Variants in ZNF208 observed in about 807,000 individuals in gnomAD.
The protein encoded by ZNF208 is zinc finger protein 208.
Under a neutral mutation model 12.1 loss-of-function variants are expected in ZNF208, and 10 were observed. That is an observed-to-expected ratio of 0.83 (90% CI 0.51 to 1.40). The LOEUF (loss-of-function observed/expected upper bound fraction) is 1.40, where lower values mean the gene tolerates loss of function less well. Among genes scored for constraint, ZNF208 ranks in the 40% most tolerant of loss-of-function variants. The pLI is 0.00. For synonymous variants in ZNF208, 497 were observed against 488.4 expected, an observed-to-expected ratio of 1.02 and a Z score of -0.23; for missense variants, 1,652 against 1,485.0, an observed-to-expected ratio of 1.11 and a Z score of -1.85.
At chr19:21,959,294 C>G (rs115357682) in intron 4 of ZNF208, among the ~76,000 whole-genome samples, 1 of 152,176 alleles carries the variant, frequency 6.6e-6, no homozygotes, top group African/African-American at 2.4e-5. Context: ...GAATGTTACA[C>G]AGAACCTTCT....
chr19:22,001,537 CAG>C (rs1232313200), intron 1 of ZNF208, among the ~76,000 whole-genome samples: 1 of 152,028 alleles, frequency 6.6e-6, no homozygotes, highest in African/African-American at 2.4e-5. Flanking sequence ...CAAAACCTAA[CAG>C]AGATAAAACA....
In ZNF208 at chr19:21,973,310, T is replaced by G; in HGVS notation, c.1724A>C (p.His575Pro). The G allele has an allele frequency of 6.2e-7, 1 of 1,610,514 alleles. No homozygotes were observed. The highest frequency in any genetic ancestry group is 8.5e-7 in the Non-Finnish European group (1 of 1,178,520). Residue 575 changes from histidine to proline, a missense_variant, in exon 4 of 4, where the codon CAT (histidine) becomes CCT (proline). Around this residue, in one of 3 missense-constraint regions of ZNF208, gnomAD observed 1,239 missense variants for 1,086.2 expected, o/e 1.14. Transcript: ENST00000397126. Reference protein sequence around the residue: ...SSTLSYHKKIHTVEKPYKCEE... With the variant: ...SSTLSYHKKIPTVEKPYKCEE... Reference sequence around the variant, plus strand: ...ACATTTGTAGGGTTTCTCTACAGTATGAATTTTCTTATGATAACTAAGGGT... The same window carrying G: ...ACATTTGTAGGGTTTCTCTACAGTAGGAATTTTCTTATGATAACTAAGGGT...
downstream of ZNF208, among the ~76,000 whole-genome samples, chr19:21,964,967 TTA>T (rs1447589486): frequency 6.6e-6 from 1 of 151,984 alleles, no homozygotes; most frequent in African/African-American, 2.4e-5. Context: ...GTACGAAAAT[TTA>T]TGTTACTACA....
intron 4 of ZNF208, among the ~76,000 whole-genome samples, chr19:21,950,675 A>G (rs1458519208): frequency 6.6e-6 from 1 of 151,826 alleles, no homozygotes; most frequent in Non-Finnish European, 1.5e-5. Flanking sequence ...TTTTATTTTT[A>G]GTAGAGATGG....
rs1437631395 is a variant in ZNF208 at position 21,966,933 on chromosome 19, G to C, written c.*4258C>G. ...GAAGCTGGCTATTCATATCATGTTT[G>C]CTTTTTTATTAAATGTATTATAGAT... On this transcript the variant is annotated 3_prime_UTR_variant, in exon 4 of 4. Transcript: ENST00000397126. 6.6e-6 allele frequency: 1 copy of C among 152,024 alleles called. No individual in the cohort carries two copies. Among genetic ancestry groups the C allele is most frequent in the Non-Finnish European group, 1.5e-5 (1 of 67,980 alleles). The allele number at this position is 152,024 out of a possible 1,614,324, so 9.4% of individuals were successfully genotyped here.
chr19:21,986,858 G>C, intron 3 of ZNF208: 1 of 394,894 alleles, frequency 2.5e-6, no homozygotes, highest in Non-Finnish European at 4.5e-6. Flanking sequence ...ATGATGGAAA[G>C]AGAGAACTTA....
intron 1 of ZNF208, among the ~76,000 whole-genome samples, chr19:22,001,892 C>CTAAAAAAAAAAAAAAAAAA: frequency 1.3e-5 from 1 of 74,106 alleles, no homozygotes; most frequent in Non-Finnish European, 2.7e-5. Flanking sequence ...GACTCCATCC[C>CTAAAAAAAAAAAAAAAAAA]AAAAAAAAAA....
rs1423963642 is a variant in ZNF208, at chr19:21,972,713, T to C, written c.2321A>G (p.Glu774Gly). The change falls in exon 4 of 4, where the codon GAG becomes GGG. Residue 774 changes from glutamate to glycine, a missense_variant. Glu to Gly is a moderately conservative substitution (Grantham distance 98). Around this residue, in one of 3 missense-constraint regions of ZNF208, gnomAD observed 1,239 missense variants for 1,086.2 expected, o/e 1.14. Coordinates refer to ENST00000397126, the MANE Select transcript of ZNF208 (RefSeq NM_007153.3). Reference sequence around the variant, plus strand: ...ACATTCTTCACATTTGTAGGGTTTCTCTACAGTATGAATTTTCTTATGATA... The same window carrying C: ...ACATTCTTCACATTTGTAGGGTTTCCCTACAGTATGAATTTTCTTATGATA... Reference protein sequence around the residue: ...LSYHKKIHTVEKPYKCEECGK... With the variant: ...LSYHKKIHTVGKPYKCEECGK... 1.3e-6 allele frequency: 2 copies of C among 1,591,486 alleles called. No homozygotes were observed. The highest frequency in any genetic ancestry group is 1.7e-6 in the Non-Finnish European group (2 of 1,167,132).
intron 1 of ZNF208, among the ~76,000 whole-genome samples, chr19:21,999,118 T>C (rs1441868595): frequency 4.0e-5 from 6 of 151,194 alleles, no homozygotes; most frequent in Non-Finnish European, 7.4e-5. Flanking sequence ...TTAATATGCA[T>C]GTCAGACTAA....
At chr19:21,987,143 A>G in intron 3 of ZNF208, 73 bp downstream of exon 3, 4 of 1,442,172 alleles carry the variant, frequency 2.8e-6, no homozygotes, top group Non-Finnish European at 3.7e-6. Context: ...AGCTTCCAGA[A>G]TCACTTTAAG....
rs1020046240 is a variant in ZNF208 at position 21,959,076 on chromosome 19, T to G, written c.305+15653A>C. 1.5e-4 allele frequency among the ~76,000 whole-genome samples: 23 copies of G among 151,768 alleles called. 1 individual carries two copies. Among genetic ancestry groups the G allele is most frequent in the Non-Finnish European group, 1.5e-5 (1 of 67,980 alleles). ...CACCCTGGGTGACAGAGACTCAGTC[T>G]CATGATTAAAAAAAAAAAGGAACTA... is the stretch of plus-strand genomic sequence containing the variant. On this transcript the variant is annotated intron_variant, in intron 4 of 4. Transcript: ENST00000599916.
downstream of ZNF208, among the ~76,000 whole-genome samples, chr19:21,962,014 G>A (rs193068037): frequency 3.3e-5 from 5 of 152,260 alleles, no homozygotes; most frequent in East Asian, 9.7e-4. Flanking sequence ...ACAGGTGAAA[G>A]AAATTATGAG....
chr19:21,953,149 G>A (rs1969918726), intron 4 of ZNF208, among the ~76,000 whole-genome samples: 1 of 152,172 alleles, frequency 6.6e-6, no homozygotes, highest in Non-Finnish European at 1.5e-5. Flanking sequence ...AAGCCTCCAA[G>A]AACTGTGGGA....
Position 21,968,187 on chromosome 19 carries a change from A to G in ZNF208, c.*3004T>C, listed in dbSNP as rs1166651139. On this transcript the variant is annotated 3_prime_UTR_variant, in exon 4 of 4. Coordinates refer to ENST00000397126, the MANE Select transcript of ZNF208 (RefSeq NM_007153.3). ...GGACAATTCTTTCATCAGTAAAGAT[A>G]ATTTGACTTTCTTTGTTTTCTGTTT... The G allele has an allele frequency of 6.6e-6, 1 of 152,084 alleles. No homozygotes were observed. Among genetic ancestry groups the G allele is most frequent in the Non-Finnish European group, 1.5e-5 (1 of 67,996 alleles). 9.4% of individuals were successfully genotyped at this position (152,084 alleles called of 1,614,324 possible). A position where few individuals can be genotyped will look rare whatever the true frequency, so the allele number is the denominator to read the frequency against.
downstream of ZNF208, among the ~76,000 whole-genome samples, chr19:21,963,582 C>G (rs576121198): frequency 1.3e-5 from 2 of 152,124 alleles, no homozygotes; most frequent in African/African-American, 2.4e-5. Context: ...CAATGCTTTT[C>G]ACATGCACCT....
intron 4 of ZNF208, among the ~76,000 whole-genome samples, chr19:21,957,401 C>T (rs1157089470): frequency 6.6e-6 from 1 of 152,146 alleles, no homozygotes; most frequent in East Asian, 1.9e-4. Context: ...TACCAAGGCT[C>T]TAATTGGGAG....
downstream of ZNF208, among the ~76,000 whole-genome samples, chr19:21,962,111 G>C (rs1160078308): frequency 4.6e-5 from 7 of 152,142 alleles, no homozygotes; most frequent in Admixed American, 3.3e-4. Flanking sequence ...GAAATTATAA[G>C]AGTGTTTTTA....
chr19:21,950,376 GC>G (rs1363371851), intron 4 of ZNF208, among the ~76,000 whole-genome samples: 1 of 151,754 alleles, frequency 6.6e-6, no homozygotes, highest in Non-Finnish European at 1.5e-5. Context: ...AAAGATCTCT[GC>G]TTTTTTTCAT....
intron 3 of ZNF208, among the ~76,000 whole-genome samples, chr19:21,983,149 A>G (rs1214706542): frequency 7.1e-6 from 1 of 139,994 alleles, no homozygotes; most frequent in East Asian, 2.2e-4. Flanking sequence ...TCTACAAAGA[A>G]CTTAAACAAA....
Sources: gnomAD v4.1 joint callset for allele counts (sites outside exome capture counted in the v4.1 genomes callset) on GRCh38, gnomAD v4.1.1 for gene constraint, gnomAD v4.1.1 regional missense constraint, MANE v1.5 for transcripts, NCBI Gene and HGNC (gene_info 2026-07-23, HGNC 2026-07-21) for gene names.